CDH12: variants seen among roughly 807,000 people sequenced by gnomAD.
CDH12 encodes cadherin-12.
CDH12 carries 41 observed loss-of-function variants against 74.1 expected under a neutral mutation model. That is an observed-to-expected ratio of 0.55 (90% CI 0.43 to 0.72). The LOEUF (loss-of-function observed/expected upper bound fraction) is 0.72. CDH12 is among the 30% of genes least tolerant of loss of function. CDH12 has a pLI of 0.00. For missense variants in CDH12, 945 were observed against 977.2 expected (o/e 0.97, Z 0.44); for synonymous variants, 399 against 355.0 (o/e 1.12, Z -1.39).
At chr5:22,686,689 G>A (rs1457966924) in intron 1 of CDH12, among the ~76,000 whole-genome samples, 1 of 152,130 alleles carries the variant, frequency 6.6e-6, no homozygotes, top group Non-Finnish European at 1.5e-5. Flanking sequence ...AGTAGGATGG[G>A]GGTGATGGAT....
intron 1 of CDH12, among the ~76,000 whole-genome samples, chr5:22,732,521 A>G (rs1038329229): frequency 6.6e-6 from 1 of 151,140 alleles, no homozygotes; most frequent in African/African-American, 2.4e-5. Flanking sequence ...CCAAACCCCT[A>G]CTATCCCAGA....
At chr5:22,647,476 A>C (rs1400363789) in intron 1 of CDH12, among the ~76,000 whole-genome samples, 1 of 151,762 alleles carries the variant, frequency 6.6e-6, no homozygotes, top group Non-Finnish European at 1.5e-5. Context: ...GAAGTTCAAC[A>C]TCAAGTTGAC....
chr5:22,809,938 A>C (rs1561837), intron 1 of CDH12, among the ~76,000 whole-genome samples: 8,476 of 152,198 alleles, frequency 0.056, 338 homozygotes, highest in East Asian at 0.17. Context: ...ATAGTCTAGA[A>C]TGTATCCTAG....
chr5:22,517,357 A>C (rs567829674), intron 1 of CDH12, among the ~76,000 whole-genome samples: 1 of 152,212 alleles, frequency 6.6e-6, no homozygotes, highest in East Asian at 1.9e-4. Context: ...TAGTCGTTTA[A>C]AAAATCTCTA....
At chr5:21,921,920 GCTAA>G (rs1266919000) in intron 6 of CDH12, among the ~76,000 whole-genome samples, 1 of 152,100 alleles carries the variant, frequency 6.6e-6, no homozygotes, top group Non-Finnish European at 1.5e-5. Flanking sequence ...CCTCAAACTG[GCTAA>G]CTCACTGTCA....
chr5:22,731,523 A>G (rs1268169269), intron 1 of CDH12, among the ~76,000 whole-genome samples: 1 of 151,886 alleles, frequency 6.6e-6, no homozygotes, highest in African/African-American at 2.4e-5. Context: ...CATTTACTAT[A>G]AGACAAAAGA....
chr5:22,163,863 C>T (rs1313239972), intron 4 of CDH12, among the ~76,000 whole-genome samples: 2 of 152,194 alleles, frequency 1.3e-5, no homozygotes, highest in Admixed American at 1.3e-4. Context: ...TGTTATGTCT[C>T]TTTCAGGTAA....
intron 9 of CDH12, among the ~76,000 whole-genome samples, chr5:21,813,067 A>G (rs1465106440): frequency 6.6e-6 from 1 of 152,148 alleles, no homozygotes; most frequent in African/African-American, 2.4e-5. Context: ...CTGTACCATC[A>G]CGTTCCACAT....
At chr5:22,345,031 GACGA>G (rs1469240897) in intron 3 of CDH12, among the ~76,000 whole-genome samples, 1 of 152,188 alleles carries the variant, frequency 6.6e-6, no homozygotes, top group East Asian at 1.9e-4. Flanking sequence ...CCCGTGTTCT[GACGA>G]ACTTTGATTT....
intron 3 of CDH12, among the ~76,000 whole-genome samples, chr5:22,385,794 A>G (rs1196997104): frequency 6.6e-6 from 1 of 152,022 alleles, no homozygotes; most frequent in Non-Finnish European, 1.5e-5. Context: ...GGGAGGCCTC[A>G]GGAAACTTTC....
At chr5:21,802,794 G>A (rs1747208541) in intron 9 of CDH12, among the ~76,000 whole-genome samples, 1 of 151,882 alleles carries the variant, frequency 6.6e-6, no homozygotes, top group Non-Finnish European at 1.5e-5. Context: ...GTTTCAACAT[G>A]TTGGCCAGGC....
intron 5 of CDH12, among the ~76,000 whole-genome samples, chr5:22,077,949 C>T (rs1348702961): frequency 6.6e-6 from 1 of 151,970 alleles, no homozygotes; most frequent in Non-Finnish European, 1.5e-5. Context: ...AACCACAATC[C>T]AAATGGCACA....
In CDH12 at chr5:21,751,658, G is replaced by A; in HGVS notation, c.*79C>T. 1 of 1,151,786 alleles carries A rather than the reference G, an allele frequency of 8.7e-7. No homozygotes were observed. The highest frequency in any genetic ancestry group is 1.2e-6 in the Non-Finnish European group (1 of 801,846). 71.3% of individuals were successfully genotyped at this position (1,151,786 alleles called of 1,614,324 possible). A position where few individuals can be genotyped will look rare whatever the true frequency, so the allele number is the denominator to read the frequency against. ...TGTGTGTGTGTGTGTGTGTGAGAGA[G>A]ATTTCTATTAATATTTGTGTTTCTT... On this transcript the variant is annotated 3_prime_UTR_variant, in exon 15 of 15. Transcript: ENST00000382254.
At chr5:22,394,420 A>T (rs559204006) in intron 3 of CDH12, among the ~76,000 whole-genome samples, 134 of 152,240 alleles carry the variant, frequency 8.8e-4, no homozygotes, top group Middle Eastern at 6.8e-3. Flanking sequence ...AACAAACAGA[A>T]ATATAGAGCT....
intron 3 of CDH12, among the ~76,000 whole-genome samples, chr5:22,291,645 G>C (rs1193780878): frequency 1.3e-5 from 2 of 151,894 alleles, no homozygotes; most frequent in Non-Finnish European, 2.9e-5. Flanking sequence ...TAATAAAGGA[G>C]GTAAAAGATC....
At chr5:22,251,913 T>C (rs7726164) in intron 3 of CDH12, among the ~76,000 whole-genome samples, 149,967 of 152,244 alleles carry the variant, frequency 0.99, 73,908 homozygotes, top group East Asian at 1. Context: ...AATACCCCCA[T>C]ACTATATAAT....
At chr5:22,060,113 T>TTG (rs1228685028) in intron 5 of CDH12, among the ~76,000 whole-genome samples, 1 of 152,114 alleles carries the variant, frequency 6.6e-6, no homozygotes, top group Non-Finnish European at 1.5e-5. Flanking sequence ...GCATATGATT[T>TTG]TGTGTTTACT....
At chr5:21,981,472 A>C (rs1466027346) in intron 5 of CDH12, among the ~76,000 whole-genome samples, 1 of 152,088 alleles carries the variant, frequency 6.6e-6, no homozygotes, top group Non-Finnish European at 1.5e-5. Context: ...TGTAGATACA[A>C]ATAACCATCA....
At chr5:22,816,779 G>A (rs754494113) in intron 1 of CDH12, among the ~76,000 whole-genome samples, 4 of 152,072 alleles carry the variant, frequency 2.6e-5, no homozygotes, top group Non-Finnish European at 4.4e-5. Flanking sequence ...TTAAGTCAGT[G>A]GGAGGTAAAT....
Sources: gnomAD v4.1 joint callset for allele counts (sites outside exome capture counted in the v4.1 genomes callset) on GRCh38, gnomAD v4.1.1 for gene constraint, MANE v1.5 for transcripts, NCBI Gene and HGNC (gene_info 2026-07-23, HGNC 2026-07-21) for gene names.